PNPLA8: variants seen among roughly 807,000 people sequenced by gnomAD.
PNPLA8 encodes the protein patatin like domain 8, phospholipase A2, also known as calcium-independent phospholipase A2-gamma.
A neutral mutation model predicts 76.9 loss-of-function variants in PNPLA8; 39 were observed. The observed-to-expected ratio is 0.51, with a 90% CI of 0.39 to 0.66. PNPLA8 has a LOEUF of 0.66. PNPLA8 is among the 30% of genes least tolerant of loss of function. The pLI, the probability that PNPLA8 is intolerant of heterozygous loss-of-function variation, is 0.00. For synonymous variants in PNPLA8, 301 were observed against 307.9 expected, an observed-to-expected ratio of 0.98 and a Z score of 0.24; for missense variants, 887 against 918.0, an observed-to-expected ratio of 0.97 and a Z score of 0.44.
chr7:108,499,177 G>A (rs968146401), intron 5 of PNPLA8, among the ~76,000 whole-genome samples: 13 of 152,130 alleles, frequency 8.5e-5, no homozygotes, highest in African/African-American at 2.7e-4. Context: ...GCACGTATAT[G>A]TTCACACAGA....
Position 108,515,356 on chromosome 7 carries a change from G to C in PNPLA8, c.136C>G (p.Leu46Val). ...ATGTTTGTATGAAAACCTCTTTGTA[G>C]ACTGATGTGGCTTATCCTCCAGTAA... ...KHYWRISHIS[L>V]QRGFHTNIIR... is the part of the protein sequence containing the mutation. The change falls in exon 3 of 11, where the codon CTA becomes GTA. Residue 46 changes from leucine to valine, a missense_variant. Transcript: ENST00000257694. The C allele has an allele frequency of 1.2e-6, 2 of 1,613,524 alleles. No homozygotes were observed.
At chr7:108,502,294 T>G (rs1456455123) in intron 5 of PNPLA8, among the ~76,000 whole-genome samples, 197 bp downstream of exon 5, 1 of 151,672 alleles carries the variant, frequency 6.6e-6, no homozygotes, top group Non-Finnish European at 1.5e-5. Context: ...ACTACAAAAA[T>G]TAGCCGGGTA....
chr7:108,512,992 T>C (rs1459555966), intron 4 of PNPLA8, among the ~76,000 whole-genome samples: 3 of 152,116 alleles, frequency 2.0e-5, no homozygotes, highest in Non-Finnish European at 4.4e-5. Context: ...CCTTCTGCCA[T>C]CTAAGTAGGT....
At chr7:108,506,236 G>A (rs1353229640) in intron 4 of PNPLA8, among the ~76,000 whole-genome samples, 1 of 152,048 alleles carries the variant, frequency 6.6e-6, no homozygotes, top group African/African-American at 2.4e-5. Context: ...AAATTAGCAG[G>A]GTGTGGTGGT....
rs942694872 is a variant in PNPLA8 at position 108,514,671 on chromosome 7, G to A, written c.821C>T (p.Ala274Val). ...TGAAACTTGAAGAACATCAGGTATCGCAGAAGGACTTGTAGGCTTGTCCAC... is the reference window on the plus strand; with the variant it reads ...TGAAACTTGAAGAACATCAGGTATCACAGAAGGACTTGTAGGCTTGTCCAC... ...HTVDKPTSPS[A>V]IPDVLQVSTK... The change falls in exon 3 of 11, where the codon GCG (alanine) becomes GTG (valine). Residue 274 changes from alanine (A) to valine (V), a missense_variant. By Grantham distance (64) the Ala-to-Val change is moderately conservative. Coordinates refer to ENST00000257694, the MANE Select transcript of PNPLA8 (RefSeq NM_001256007.3). The A allele has an allele frequency of 9.3e-6, 15 of 1,613,534 alleles. No homozygotes were observed. The highest frequency in any genetic ancestry group is 1.3e-5 in the African/African-American group (1 of 74,924).
chr7:108,511,039 G>GAAAAA, intron 4 of PNPLA8: 1 of 331,666 alleles, frequency 3.0e-6, no homozygotes, highest in Non-Finnish European at 4.7e-6. Flanking sequence ...CTCTCAAATT[G>GAAAAA]GAAAAAAAAA....
intron 9 of PNPLA8, among the ~76,000 whole-genome samples, chr7:108,482,651 T>C (rs1563937177): frequency 6.6e-6 from 1 of 152,228 alleles, no homozygotes; most frequent in Non-Finnish European, 1.5e-5. Flanking sequence ...CTTTCAATAA[T>C]GGTATGCCTT....
At chr7:108,478,102 A>T (rs926977415) in intron 10 of PNPLA8, among the ~76,000 whole-genome samples, 6 of 152,220 alleles carry the variant, frequency 3.9e-5, no homozygotes, top group African/African-American at 1.4e-4. Flanking sequence ...AAAAAGAAGC[A>T]GACTGAGAAA....
intron 9 of PNPLA8, among the ~76,000 whole-genome samples, chr7:108,485,122 C>T (rs1311678904): frequency 6.6e-6 from 1 of 152,034 alleles, no homozygotes; most frequent in East Asian, 1.9e-4. Flanking sequence ...GTCATCAAAA[C>T]CTCTAGTGTA....
chr7:108,503,308 T>C (rs957694665), intron 4 of PNPLA8, among the ~76,000 whole-genome samples: 6 of 152,228 alleles, frequency 3.9e-5, no homozygotes, highest in African/African-American at 9.6e-5. Context: ...GCATCTTACA[T>C]AGTCAGTACC....
At position 108,491,402 on chromosome 7, in the gene PNPLA8, A is replaced by G; in HGVS notation, c.1683+8T>C. The G allele has an allele frequency of 1.3e-6, 2 of 1,575,360 alleles. No individual in the cohort carries two copies. The highest frequency in any genetic ancestry group is 1.3e-5 in the African/African-American group (1 of 74,314). On this transcript the variant is annotated splice_region_variant and intron_variant, in intron 8 of 10. Coordinates refer to ENST00000257694, the MANE Select transcript of PNPLA8 (RefSeq NM_001256007.3). ...CTAGGTGTTATATTTAAGAGACTCTAAGCTTACCTTAGGACATGTGGGGTT... is the reference window on the plus strand; with the variant it reads ...CTAGGTGTTATATTTAAGAGACTCTGAGCTTACCTTAGGACATGTGGGGTT...
chr7:108,503,695 G>GT (rs1275355878), intron 4 of PNPLA8, among the ~76,000 whole-genome samples: 1 of 152,190 alleles, frequency 6.6e-6, no homozygotes, highest in African/African-American at 2.4e-5. Flanking sequence ...TGGAGAAGGA[G>GT]TAATTGCTAG....
At chr7:108,503,319 G>A (rs556552939) in intron 4 of PNPLA8, among the ~76,000 whole-genome samples, 8 of 152,284 alleles carry the variant, frequency 5.3e-5, no homozygotes, top group African/African-American at 1.4e-4. Context: ...AGTCAGTACC[G>A]CAGGTTTAAT....
chr7:108,500,082 A>G (rs1481096214), intron 5 of PNPLA8, among the ~76,000 whole-genome samples: 2 of 152,172 alleles, frequency 1.3e-5, no homozygotes, highest in Non-Finnish European at 2.9e-5. Flanking sequence ...CTTCTCTACA[A>G]TGCAAACACT....
At chr7:108,496,510 G>T in intron 7 of PNPLA8, 74 bp downstream of exon 7, 3 of 843,022 alleles carry the variant, frequency 3.6e-6, no homozygotes, top group South Asian at 2.1e-5. Context: ...ATTTAATATT[G>T]ACATTTTTCA....
chr7:108,478,945 T>G (rs565021778), intron 10 of PNPLA8, among the ~76,000 whole-genome samples: 1 of 152,314 alleles, frequency 6.6e-6, no homozygotes, highest in Admixed American at 6.5e-5. Flanking sequence ...TAGGTACTTC[T>G]CCAACAGTAA....
chr7:108,492,985 T>C (rs980635136), intron 7 of PNPLA8, among the ~76,000 whole-genome samples: 1 of 152,174 alleles, frequency 6.6e-6, no homozygotes, highest in African/African-American at 2.4e-5. Flanking sequence ...AGACGAAGCT[T>C]GGGTGAGAAT....
At chr7:108,521,563 T>A (rs1018321687) in intron 1 of PNPLA8, 42 bp from the exon 2 acceptor site, 9 of 373,280 alleles carry the variant, frequency 2.4e-5, no homozygotes, top group Non-Finnish European at 3.7e-6. Flanking sequence ...ATGTATAAAG[T>A]CAGCCTGAGA....
At chr7:108,496,349 T>G (rs74677391) in intron 7 of PNPLA8, 1 of 332,304 alleles carries the variant, frequency 3.0e-6, no homozygotes, top group Non-Finnish European at 5.4e-6. Context: ...AAAAAGGCAA[T>G]TGCAACTTTT....
Sources: gnomAD v4.1 joint callset for allele counts (sites outside exome capture counted in the v4.1 genomes callset) on GRCh38, gnomAD v4.1.1 for gene constraint, MANE v1.5 for transcripts, NCBI Gene and HGNC (gene_info 2026-07-23, HGNC 2026-07-21) for gene names.